RABEP2: variants seen among roughly 807,000 people sequenced by gnomAD.
RABEP2 encodes the protein rabaptin, RAB GTPase binding effector protein 2.
RABEP2 carries 57 observed loss-of-function variants against 74.1 expected under a neutral mutation model. The observed-to-expected ratio is 0.77, with a 90% CI of 0.62 to 0.96. The LOEUF (loss-of-function observed/expected upper bound fraction) is 0.96, where lower values mean the gene tolerates loss of function less well. Among genes scored for constraint, RABEP2 ranks in the 40% least tolerant of loss-of-function variants. The probability of loss-of-function intolerance (pLI) is 0.00; values close to 1 mark genes in which losing one functional copy is unlikely to be tolerated. For synonymous variants in RABEP2, 351 were observed against 344.0 expected (o/e 1.02, Z -0.23); for missense variants, 692 against 756.3 (o/e 0.91, Z 1.00).
intron 12 of RABEP2, 122 bp from the exon 13 acceptor site, chr16:28,905,166 G>T: frequency 1.3e-6 from 1 of 796,356 alleles, no homozygotes; most frequent in Non-Finnish European, 2.0e-6. Context: ...CTAGGGGGCT[G>T]ATGCCACAAA....
At chr16:28,924,310 A>G (rs1964505382) in intron 2 of RABEP2, 93 bp downstream of exon 2, 3 of 1,292,740 alleles carry the variant, frequency 2.3e-6, no homozygotes, top group Admixed American at 3.7e-5. Context: ...CTGCTAACCT[A>G]TCCCATAGCT....
intron 8 of RABEP2, among the ~76,000 whole-genome samples, chr16:28,908,066 C>T (rs1342886201): frequency 6.6e-6 from 1 of 152,136 alleles, no homozygotes; most frequent in African/African-American, 2.4e-5. Flanking sequence ...TCCCAAAGTG[C>T]TGGGATTACA....
At chr16:28,912,475 A>G (rs977396136) in intron 5 of RABEP2, among the ~76,000 whole-genome samples, 2 of 142,750 alleles carry the variant, frequency 1.4e-5, no homozygotes, top group African/African-American at 5.4e-5. Context: ...GTGGCGCACG[A>G]TCTCAGCTCA....
rs1483123291 is a variant in RABEP2, at chr16:28,925,215, G to A, written c.-52C>T. The A allele has an allele frequency of 1.3e-6, 2 of 1,502,514 alleles. No homozygotes were observed. Among genetic ancestry groups the A allele is most frequent in the Non-Finnish European group, 1.8e-6 (2 of 1,131,684 alleles). 93.1% of individuals were successfully genotyped at this position (1,502,514 alleles called of 1,614,324 possible). A position where few individuals can be genotyped will look rare whatever the true frequency, so the allele number is the denominator to read the frequency against. On this transcript the variant is annotated 5_prime_UTR_variant, in exon 1 of 13. Transcript: ENST00000358201. ...GCACTCCCTGGTGACGGAGCGCACC[G>A]CTTCCGGGTCCTCTCGGCTGTTTCC... is the stretch of plus-strand genomic sequence containing the variant.
Position 28,908,645 on chromosome 16 carries a change from C to T in RABEP2, c.1209G>A (p.Glu403=). ...TGGGCAGTGATTCCTCCTCGCCCTG[C>T]TCCTGCTGCGAGCCCTGGGGGGCTG... ...PSSAPQGSQQ[E]QGEEESLPSS... is the part of the protein sequence containing the mutation. The change falls in exon 8 of 13, where the codon GAG becomes GAA. Residue 403 remains glutamate, a synonymous_variant. Coordinates refer to ENST00000358201, the MANE Select transcript of RABEP2 (RefSeq NM_024816.3). 3 of 1,614,052 alleles carry T rather than the reference C, an allele frequency of 1.9e-6. No individual in the cohort carries two copies. The highest frequency in any genetic ancestry group is 2.5e-6 in the Non-Finnish European group (3 of 1,179,980).
At chr16:28,912,520 C>T (rs1251266435) in intron 5 of RABEP2, among the ~76,000 whole-genome samples, 1 of 150,754 alleles carries the variant, frequency 6.6e-6, no homozygotes, top group Non-Finnish European at 1.5e-5. Context: ...AAGCAATCCT[C>T]TCATCTCAAC....
Position 28,904,556 on chromosome 16 carries a change from C to T in RABEP2, c.*387G>A. ...CAGACCAGAAGGCAGCTGCCTGTCC[C>T]AGGGCCGGGGCCCACCTCACTGCCT... On this transcript the variant is annotated 3_prime_UTR_variant, in exon 13 of 13. Transcript: ENST00000358201. The T allele has an allele frequency of 7.1e-7, 1 of 1,412,672 alleles. No homozygotes were observed. The highest frequency in any genetic ancestry group is 9.4e-7 in the Non-Finnish European group (1 of 1,067,356). The allele number at this position is 1,412,672 out of a possible 1,614,324, so 87.5% of individuals were successfully genotyped here. A position where few individuals can be genotyped will look rare whatever the true frequency, so the allele number is the denominator to read the frequency against.
chr16:28,924,693 A>G, intron 1 of RABEP2, 78 bp from the exon 2 acceptor site: 3 of 1,323,412 alleles, frequency 2.3e-6, no homozygotes, highest in Non-Finnish European at 3.2e-6. Context: ...CCTGCAACCT[A>G]GTACTGTTGC....
chr16:28,922,935 C>T (rs1418195530), intron 2 of RABEP2, among the ~76,000 whole-genome samples: 2 of 151,990 alleles, frequency 1.3e-5, no homozygotes, highest in African/African-American at 4.8e-5. Flanking sequence ...TGCTTGGTTT[C>T]CAACCTTTGG....
chr16:28,919,907 A>G lies in RABEP2; in HGVS notation c.311T>C (p.Leu104Pro). Residue 104 changes from leucine (L) to proline (P), a missense_variant, in exon 3 of 13, where the codon CTG becomes CCG. Leu to Pro is a moderately conservative substitution (Grantham distance 98). Transcript: ENST00000358201. ...CTGCTGCTGCTGTCGCTCCTGCTTC[A>G]GGGCGGTGATCTGGGCTTCATAGCT... ...ISSYEAQITA[L>P]KQERQQQQQD... The G allele has an allele frequency of 7.1e-7, 1 of 1,404,642 alleles. No individual in the cohort carries two copies. Among genetic ancestry groups the G allele is most frequent in the Non-Finnish European group, 9.5e-7 (1 of 1,049,476 alleles). The allele number at this position is 1,404,642 out of a possible 1,614,324, so 87.0% of individuals were successfully genotyped here.
At chr16:28,906,445 C>T (rs1041369171) in intron 8 of RABEP2, among the ~76,000 whole-genome samples, 3 of 152,174 alleles carry the variant, frequency 2.0e-5, no homozygotes, top group Non-Finnish European at 4.4e-5. Context: ...AGAGTCCCAA[C>T]CATAAAGTTC....
chr16:28,905,752 C>T lies in RABEP2; in HGVS notation c.1443G>A (p.Leu481=). The change falls in exon 11 of 13, where the codon CTG becomes CTA. Residue 481 remains leucine, a synonymous_variant. Coordinates refer to ENST00000358201, the MANE Select transcript of RABEP2 (RefSeq NM_024816.3). The part of the protein sequence containing the change: ...REETEVLEAS[L]CSLRTEMERV... ...GCTCCATCTCTGTCCTCAGGCTGCA[C>T]AGGGAGGCTGGGAAGTCAGGGCAGG... 2 of 1,614,072 alleles carry T rather than the reference C, an allele frequency of 1.2e-6. No individual in the cohort carries two copies. The highest frequency in any genetic ancestry group is 1.6e-4 in the Middle Eastern group (1 of 6,062).
In RABEP2 at chr16:28,910,896, G is replaced by A; in HGVS notation, c.1081C>T (p.Leu361=). 1 of 1,611,100 alleles carries A rather than the reference G, an allele frequency of 6.2e-7. No homozygotes were observed. The highest frequency in any genetic ancestry group is 8.5e-7 in the Non-Finnish European group (1 of 1,179,032). The stretch of plus-strand genomic sequence containing the variant: ...GGCCCCCAGGTACTCACCATCTGCA[G>A]CTGCACCCGCTCCTGGGCCTGGCTC... ...TVSQAQERVQ[L]QMAELVTTHK... is the part of the protein sequence containing the mutation. The change falls in exon 7 of 13, where the codon CTG becomes TTG. Residue 361 remains leucine, a synonymous_variant. Transcript: ENST00000358201.
intron 5 of RABEP2, among the ~76,000 whole-genome samples, chr16:28,913,615 G>A (rs1026691478): frequency 1.3e-5 from 2 of 151,902 alleles, no homozygotes; most frequent in Non-Finnish European, 2.9e-5. Flanking sequence ...CTGAGTAGCT[G>A]GGATTACGGG....
At chr16:28,906,970 A>C (rs1376420437) in intron 8 of RABEP2, among the ~76,000 whole-genome samples, 1 of 152,010 alleles carries the variant, frequency 6.6e-6, no homozygotes, top group East Asian at 1.9e-4. Context: ...AAAAATAAAA[A>C]TAAAATAAAA....
At chr16:28,916,889 AAGG>A (rs958347333) in intron 3 of RABEP2, among the ~76,000 whole-genome samples, 32 of 150,930 alleles carry the variant, frequency 2.1e-4, no homozygotes, top group African/African-American at 6.6e-4. Context: ...GAGGTTGAGG[AAGG>A]AGAATTGCTT....
At position 28,906,128 on chromosome 16, in the gene RABEP2, C is replaced by A. The variant is rs1431453474; in HGVS notation, c.1314G>T (p.Gly438=). 5.7e-6 allele frequency: 9 copies of A among 1,580,084 alleles called. No individual in the cohort carries two copies. In the East Asian group the frequency reaches 1.4e-4, roughly 25 times the overall value. ...CGATCTCGATCCGCAGGCGCTCGGC[C>A]CCGTGCTCCTGGGCCTGCAGCCGGG... ...ARARLQAQEH[G]AERLRIEIVT... is the part of the protein sequence containing the mutation. The change falls in exon 9 of 13, where the codon GGG becomes GGT. Residue 438 remains glycine (G), a synonymous_variant. Coordinates refer to ENST00000358201, the MANE Select transcript of RABEP2 (RefSeq NM_024816.3).
Position 28,920,066 on chromosome 16 carries a change from A to G in RABEP2, c.275-123T>C, listed in dbSNP as rs1964449975. The G allele has an allele frequency of 3.4e-6, 4 of 1,191,686 alleles. No homozygotes were observed. The East Asian group carries it at 1.1e-4, about 32-fold the overall frequency. 73.8% of individuals were successfully genotyped at this position (1,191,686 alleles called of 1,614,324 possible). ...GAGACAATCTACCATAGCAGTTGCC[A>G]TGGCAGGCTTTGCAGAAATTGACCT... On this transcript the variant is annotated intron_variant, in intron 2 of 12. Transcript: ENST00000358201.
Position 28,908,702 on chromosome 16 carries a change from G to T in RABEP2, c.1152C>A (p.Asn384Lys). The T allele has an allele frequency of 6.2e-7, 1 of 1,614,218 alleles. No individual in the cohort carries two copies. The highest frequency in any genetic ancestry group is 8.5e-7 in the Non-Finnish European group (1 of 1,180,034). The change falls in exon 8 of 13, where the codon AAC becomes AAA. Residue 384 changes from asparagine to lysine, a missense_variant. By Grantham distance (94) the Asn-to-Lys change is moderately conservative. Transcript: ENST00000358201. ...HHEVKRLNEE[N>K]QGLRAEQLPS... is the part of the protein sequence containing the mutation. ...GCAGCTGCTCGGCCCGGAGCCCTTG[G>T]TTTTCCTCATTCAACCGCTTTACCT...
Sources: gnomAD v4.1 joint callset for allele counts (sites outside exome capture counted in the v4.1 genomes callset) on GRCh38, gnomAD v4.1.1 for gene constraint, MANE v1.5 for transcripts, NCBI Gene and HGNC (gene_info 2026-07-23, HGNC 2026-07-21) for gene names.